Variants in CFAP299 observed in about 807,000 individuals in gnomAD.
CFAP299 encodes the protein cilia- and flagella-associated protein 299.
CFAP299 carries 21 observed loss-of-function variants against 27.0 expected under a neutral mutation model. That is an observed-to-expected ratio of 0.78 (90% CI 0.55 to 1.12). CFAP299 has a LOEUF of 1.12. CFAP299 is among the 50% of genes most tolerant of loss of function. CFAP299 has a pLI of 0.00. For missense variants in CFAP299, 310 were observed against 276.6 expected, an observed-to-expected ratio of 1.12 and a Z score of -0.86; for synonymous variants, 104 against 98.1, an observed-to-expected ratio of 1.06 and a Z score of -0.36.
In CFAP299 at chr4:80,441,471, G is replaced by A. The variant is rs1728353563; in HGVS notation, c.242+78587G>A. 2.0e-5 allele frequency among the ~76,000 whole-genome samples: 3 copies of A among 152,136 alleles called. No homozygotes were observed. In the South Asian group the frequency reaches 6.2e-4, roughly 31 times the overall value. On this transcript the variant is annotated intron_variant, in intron 2 of 5. Transcript: ENST00000358105. ...AGCCAAACTAAGCTTCATAATTGAAGGGGAAATAAAATCCTTTACAGACAA... is the reference window on the plus strand; with the variant it reads ...AGCCAAACTAAGCTTCATAATTGAAAGGGAAATAAAATCCTTTACAGACAA...
chr4:80,401,106 T>C (rs772518530), intron 2 of CFAP299, among the ~76,000 whole-genome samples: 4 of 152,204 alleles, frequency 2.6e-5, no homozygotes, highest in African/African-American at 9.6e-5. Context: ...ACTTGGGTAC[T>C]ATTAAAGGCA....
intron 3 of CFAP299, among the ~76,000 whole-genome samples, chr4:80,687,965 T>C (rs957901135): frequency 6.6e-6 from 1 of 152,194 alleles, no homozygotes; most frequent in Non-Finnish European, 1.5e-5. Flanking sequence ...CCCACCCGAA[T>C]ACTGCGCTTT....
chr4:80,381,203 C>T (rs1426823605), intron 2 of CFAP299, among the ~76,000 whole-genome samples: 1 of 152,096 alleles, frequency 6.6e-6, no homozygotes, highest in Admixed American at 6.6e-5. Context: ...ATTTTTCTTT[C>T]ACTGAATTCT....
At chr4:80,581,453 G>GAGATATATAT (rs1553936101) in intron 2 of CFAP299, among the ~76,000 whole-genome samples, 7 of 103,028 alleles carry the variant, frequency 6.8e-5, no homozygotes, top group African/African-American at 4.4e-4. Flanking sequence ...TATTAAGTGA[G>GAGATATATAT]ATATATATAT....
intron 3 of CFAP299, among the ~76,000 whole-genome samples, chr4:80,709,685 A>G (rs1218345370): frequency 6.6e-6 from 1 of 152,172 alleles, no homozygotes; most frequent in East Asian, 1.9e-4. Context: ...TGGTTGAACC[A>G]GAAGTTTGTT....
At chr4:80,620,019 G>A (rs1224816615) in intron 3 of CFAP299, among the ~76,000 whole-genome samples, 1 of 152,060 alleles carries the variant, frequency 6.6e-6, no homozygotes, top group Non-Finnish European at 1.5e-5. Flanking sequence ...AAATGATGTA[G>A]AATTGTGGAA....
In CFAP299 at chr4:80,891,764, A is replaced by AT. The variant is rs1016034763; in HGVS notation, c.476+21630dup. 1.0e-4 allele frequency among the ~76,000 whole-genome samples: 4 copies of AT among 38,128 alleles called. No individual in the cohort carries two copies. The East Asian group carries it at 3.1e-3, about 30-fold the overall frequency. The allele number at this position is 38,128 out of a possible 152,430, so 25.0% of individuals were successfully genotyped here. ...CATGTACCCTAAAACTTAGAGTATA[A>AT]TAAAAAAAAAAATTAAAAAAAAAAT... On this transcript the variant is annotated intron_variant, in intron 4 of 5. Coordinates refer to ENST00000358105, the MANE Select transcript of CFAP299 (RefSeq NM_152770.3).
At chr4:80,544,484 A>C (rs1442931844) in intron 2 of CFAP299, among the ~76,000 whole-genome samples, 1 of 152,162 alleles carries the variant, frequency 6.6e-6, no homozygotes, top group Non-Finnish European at 1.5e-5. Flanking sequence ...CATCTCACAA[A>C]TATGACATCC....
intron 3 of CFAP299, among the ~76,000 whole-genome samples, chr4:80,691,618 C>G (rs1720701314): frequency 6.6e-6 from 1 of 150,840 alleles, no homozygotes; most frequent in Non-Finnish European, 1.5e-5. Flanking sequence ...GAAGCATTCC[C>G]TTTGAAAACT....
chr4:80,802,296 G>A (rs1158873013), intron 3 of CFAP299, among the ~76,000 whole-genome samples: 1 of 151,992 alleles, frequency 6.6e-6, no homozygotes. Context: ...TACCCATTTT[G>A]AGGCCTGGCT....
chr4:80,916,288 TATATATA>T (rs1560475547), intron 4 of CFAP299, among the ~76,000 whole-genome samples: 9 of 124,198 alleles, frequency 7.2e-5, no homozygotes, highest in African/African-American at 2.8e-4. Context: ...TATATATATA[TATATATA>T]TTTCAGGTAC....
Position 80,810,013 on chromosome 4 carries a change from T to C in CFAP299, c.334-59980T>C, listed in dbSNP as rs369535125. ...TTTGGGTTGCGGTGAAATTTTAACA[T>C]ATTAATAATATATGTAAAACACTTA... On this transcript the variant is annotated intron_variant, in intron 3 of 5. Transcript: ENST00000358105. Among the ~76,000 whole-genome samples the C allele has an allele frequency of 1.1e-3, 164 of 152,156 alleles. 1 individual carries two copies. Among genetic ancestry groups the C allele is most frequent in the African/African-American group, 3.7e-3 (152 of 41,536 alleles).
chr4:80,402,923 T>C (rs1726235332), intron 2 of CFAP299, among the ~76,000 whole-genome samples: 1 of 152,180 alleles, frequency 6.6e-6, no homozygotes, highest in South Asian at 2.1e-4. Flanking sequence ...TGTCATGAAA[T>C]GCAGGTTTGT....
rs534793502 is a variant in CFAP299 at position 80,825,048 on chromosome 4, G to A, written c.334-44945G>A. Among the ~76,000 whole-genome samples, 199 of 151,976 alleles carry A rather than the reference G, an allele frequency of 1.3e-3. 2 individuals are homozygous for A. Among genetic ancestry groups the A allele is most frequent in the African/African-American group, 4.6e-3 (191 of 41,486 alleles). ...TCAAGAAAAGAATGTATATAAAAAT[G>A]TATATATCAACAAAGAGATATAAAC... On this transcript the variant is annotated intron_variant, in intron 3 of 5. Transcript: ENST00000358105.
chr4:80,830,945 T>C (rs940491800), intron 3 of CFAP299, among the ~76,000 whole-genome samples: 2 of 152,160 alleles, frequency 1.3e-5, no homozygotes, highest in Non-Finnish European at 2.9e-5. Context: ...CATCATCTCA[T>C]TTAATTTTCC....
intron 3 of CFAP299, among the ~76,000 whole-genome samples, chr4:80,598,166 TAA>T (rs1208198980): frequency 1.3e-5 from 2 of 152,176 alleles, no homozygotes; most frequent in Non-Finnish European, 2.9e-5. Flanking sequence ...GATGTTATGC[TAA>T]AGAGTTTAGC....
At chr4:80,472,024 G>A (rs920873209) in intron 2 of CFAP299, among the ~76,000 whole-genome samples, 3 of 152,134 alleles carry the variant, frequency 2.0e-5, no homozygotes, top group African/African-American at 4.8e-5. Context: ...AATAGAAATC[G>A]GTTTGTTGAA....
chr4:80,587,070 A>G (rs1736484430), intron 3 of CFAP299, among the ~76,000 whole-genome samples: 1 of 152,174 alleles, frequency 6.6e-6, no homozygotes, highest in East Asian at 1.9e-4. Context: ...TATGACCAAT[A>G]ACATTGTGCT....
At chr4:80,372,919 T>G (rs1173436221) in intron 2 of CFAP299, among the ~76,000 whole-genome samples, 1 of 152,214 alleles carries the variant, frequency 6.6e-6, no homozygotes, top group Non-Finnish European at 1.5e-5. Flanking sequence ...ATTCACGAAA[T>G]CAATAGCTAC....
Sources: allele counts gnomAD v4.1 joint callset (sites outside exome capture counted in the v4.1 genomes callset), GRCh38; gene constraint gnomAD v4.1.1; transcripts MANE v1.5; gene names NCBI Gene and HGNC (gene_info 2026-07-23, HGNC 2026-07-21).